The following NAA15 variants were observed in gnomAD, a reference collection of about 807,000 sequenced individuals.
NAA15 encodes the protein N-alpha-acetyltransferase 15, NatA auxiliary subunit, also known as N-terminal acetyltransferase.
A neutral mutation model predicts 114.0 loss-of-function variants in NAA15; 34 were observed. That is an observed-to-expected ratio of 0.30 (90% confidence interval 0.23 to 0.40). The LOEUF (loss-of-function observed/expected upper bound fraction) is 0.40. Among genes scored for constraint, NAA15 ranks in the 10% least tolerant of loss-of-function variants. The pLI is 1.00. For synonymous variants in NAA15, 340 were observed against 338.0 expected (o/e 1.01, Z -0.06); for missense variants, 658 against 1,004.5 (o/e 0.66, Z 4.66).
intron 1 of NAA15, among the ~76,000 whole-genome samples, chr4:139,313,354 T>C (rs1746280587): frequency 6.6e-6 from 1 of 152,034 alleles, no homozygotes; most frequent in Admixed American, 6.5e-5. Flanking sequence ...TTATCAATGT[T>C]TGAGGACCAA....
In NAA15 at chr4:139,385,281, ATAATATATATATATATATAATATATATT is replaced by A. The variant is rs761760995; in HGVS notation, c.2302+304_2302+331del. 0.17 allele frequency among the ~76,000 whole-genome samples: 20,932 copies of A among 121,148 alleles called. 2,217 individuals carry two copies. The highest frequency in any genetic ancestry group is 0.21 in the South Asian group (798 of 3,770). 79.5% of individuals were successfully genotyped at this position (121,148 alleles called of 152,430 possible). A position where few individuals can be genotyped will look rare whatever the true frequency, so the allele number is the denominator to read the frequency against. ...AAAACAAAACCAAACATATATATAT[ATAATATATATATATATATAATATATATT>A]ATATATATATGCGCTTCCTATACAT... On this transcript the variant is annotated intron_variant, in intron 18 of 19. Transcript: ENST00000296543.
chr4:139,367,824 C>T (rs897666350), intron 14 of NAA15, among the ~76,000 whole-genome samples: 1 of 152,180 alleles, frequency 6.6e-6, no homozygotes, highest in Non-Finnish European at 1.5e-5. Context: ...TACATTTTTC[C>T]TGGGCACTTT....
At chr4:139,347,248 A>G (rs1019749934) in intron 6 of NAA15, among the ~76,000 whole-genome samples, 9 of 152,118 alleles carry the variant, frequency 5.9e-5, no homozygotes, top group African/African-American at 1.2e-4. Flanking sequence ...GTAGTACTCA[A>G]CACCCTTACT....
intron 17 of NAA15, among the ~76,000 whole-genome samples, chr4:139,382,040 A>G (rs930878766): frequency 2.6e-5 from 4 of 152,092 alleles, no homozygotes; most frequent in African/African-American, 9.7e-5. Flanking sequence ...TACCACATTC[A>G]AAGGCTTTTT....
rs1745744168 is a variant in NAA15 at position 139,301,600 on chromosome 4, A to G, written c.-178A>G. On this transcript the variant is annotated 5_prime_UTR_variant, in exon 1 of 20. Transcript: ENST00000296543. ...GCAGCGTTAAGTGAGAAAGGAAAAA[A>G]GACAACGAGGAAAAAGGAGGTGTCC... The G allele has an allele frequency of 7.6e-6, 5 of 660,988 alleles. No homozygotes were observed. The South Asian group carries it at 7.7e-5, about 10-fold the overall frequency. 40.9% of individuals were successfully genotyped at this position (660,988 alleles called of 1,614,324 possible). A position where few individuals can be genotyped will look rare whatever the true frequency, so the allele number is the denominator to read the frequency against.
At chr4:139,342,294 A>G (rs1010919878) in intron 4 of NAA15, among the ~76,000 whole-genome samples, 1 of 152,016 alleles carries the variant, frequency 6.6e-6, no homozygotes, top group Non-Finnish European at 1.5e-5. Flanking sequence ...TTAAGTTTTA[A>G]AAACTTAAAT....
At chr4:139,329,384 C>G (rs940763685) in intron 1 of NAA15, among the ~76,000 whole-genome samples, 1 of 151,972 alleles carries the variant, frequency 6.6e-6, no homozygotes. Flanking sequence ...TAGATATTTT[C>G]TATTGGATGT....
At chr4:139,362,872 G>A (rs1245448318) in intron 14 of NAA15, among the ~76,000 whole-genome samples, 1 of 152,074 alleles carries the variant, frequency 6.6e-6, no homozygotes, top group Non-Finnish European at 1.5e-5. Context: ...AGGAATTGGG[G>A]CATAAAAAGT....
chr4:139,339,797 A>G (rs1184238416), intron 3 of NAA15, among the ~76,000 whole-genome samples: 2 of 152,026 alleles, frequency 1.3e-5, no homozygotes, highest in African/African-American at 4.8e-5. Flanking sequence ...ACAAAACCCA[A>G]TTACTTTGGT....
At position 139,370,366 on chromosome 4, in the gene NAA15, G is replaced by T; in HGVS notation, c.1909G>T (p.Gly637Cys). ...GGATGATGATGATGAGGAGATAGGAGGTCCAAAAGAAGAACTTATTCCAGA... is the reference window on the plus strand; with the variant it reads ...GGATGATGATGATGAGGAGATAGGATGTCCAAAAGAAGAACTTATTCCAGA... ...KKDDDDEEIG[G>C]PKEELIPEKL... Residue 637 changes from glycine to cysteine, a missense_variant, in exon 15 of 20, where the codon GGT becomes TGT. Transcript: ENST00000296543. 1 of 1,580,570 alleles carries T rather than the reference G, an allele frequency of 6.3e-7. No individual in the cohort carries two copies. Among genetic ancestry groups the T allele is most frequent in the Non-Finnish European group, 8.5e-7 (1 of 1,169,920 alleles).
rs758151254 is a variant in NAA15, at chr4:139,334,265, G to A, written c.139+7G>A. On this transcript the variant is annotated splice_region_variant and intron_variant, in intron 2 of 19. Transcript: ENST00000296543. Reference sequence around the variant, plus strand: ...AAATTTGCAGAGCATGGAGGTAAGTGCAAGTAGATAAAGCTTTACTACATA... The same window carrying A: ...AAATTTGCAGAGCATGGAGGTAAGTACAAGTAGATAAAGCTTTACTACATA... 6 of 1,575,788 alleles carry A rather than the reference G, an allele frequency of 3.8e-6. No individual in the cohort carries two copies. Among genetic ancestry groups the A allele is most frequent in the Non-Finnish European group, 4.3e-6 (5 of 1,159,236 alleles).
chr4:139,347,242 T>C (rs987284036), intron 6 of NAA15, among the ~76,000 whole-genome samples: 5 of 152,162 alleles, frequency 3.3e-5, no homozygotes, highest in Non-Finnish European at 7.4e-5. Flanking sequence ...ATGCCAGTAG[T>C]ACTCAACACC....
intron 1 of NAA15, among the ~76,000 whole-genome samples, chr4:139,321,762 T>C (rs1318473830): frequency 2.0e-5 from 3 of 147,916 alleles, no homozygotes; most frequent in Non-Finnish European, 4.5e-5. Flanking sequence ...GGATTACAGG[T>C]GTGAGCCACC....
At chr4:139,346,268 G>A (rs1747579586) in intron 6 of NAA15, among the ~76,000 whole-genome samples, 1 of 152,084 alleles carries the variant, frequency 6.6e-6, no homozygotes, top group South Asian at 2.1e-4. Context: ...ATATTTTGGA[G>A]TTTCCTCTAA....
chr4:139,301,647 C>T lies in NAA15; in HGVS notation c.-131C>T. The T allele has an allele frequency of 9.2e-7, 1 of 1,085,756 alleles. No individual in the cohort carries two copies. The highest frequency in any genetic ancestry group is 2.4e-4 in the Middle Eastern group (1 of 4,204). 67.3% of individuals were successfully genotyped at this position (1,085,756 alleles called of 1,614,324 possible). A position where few individuals can be genotyped will look rare whatever the true frequency, so the allele number is the denominator to read the frequency against. Reference sequence around the variant, plus strand: ...GTCCGGGTAGGGCAACGCGGCGACACCCGAGGCCTGGTGGTGGCGGCGGAT... The same window carrying T: ...GTCCGGGTAGGGCAACGCGGCGACATCCGAGGCCTGGTGGTGGCGGCGGAT... On this transcript the variant is annotated 5_prime_UTR_variant, in exon 1 of 20. Transcript: ENST00000296543.
At chr4:139,303,701 G>T (rs915836432) in intron 1 of NAA15, among the ~76,000 whole-genome samples, 3 of 152,132 alleles carry the variant, frequency 2.0e-5, no homozygotes, top group African/African-American at 4.8e-5. Flanking sequence ...GGTGGCTGAG[G>T]CACAAGAATC....
intron 1 of NAA15, among the ~76,000 whole-genome samples, chr4:139,308,964 C>T (rs1746121955): frequency 6.6e-6 from 1 of 152,006 alleles, no homozygotes; most frequent in Non-Finnish European, 1.5e-5. Flanking sequence ...AAAAGTATAC[C>T]AGAAAACAAA....
chr4:139,365,591 A>C (rs2110967721), intron 14 of NAA15, among the ~76,000 whole-genome samples: 1 of 152,186 alleles, frequency 6.6e-6, no homozygotes, highest in African/African-American at 2.4e-5. Context: ...TAATCCCAGC[A>C]CTTTTGGAGG....
At chr4:139,365,896 A>G (rs762366828) in intron 14 of NAA15, among the ~76,000 whole-genome samples, 4 of 152,204 alleles carry the variant, frequency 2.6e-5, no homozygotes, top group Non-Finnish European at 5.9e-5. Flanking sequence ...CATTATATCT[A>G]TCATGTAGCA....
Sources: gnomAD v4.1 joint callset for allele counts (sites outside exome capture counted in the v4.1 genomes callset) on GRCh38, gnomAD v4.1.1 for gene constraint, MANE v1.5 for transcripts, NCBI Gene and HGNC (gene_info 2026-07-23, HGNC 2026-07-21) for gene names.